Variants in IQCE observed in about 807,000 individuals in gnomAD.
IQCE encodes the protein IQ domain-containing protein E.
In IQCE, 115 loss-of-function variants were observed where a neutral mutation model predicts 96.0. The observed-to-expected ratio is 1.20, with a 90% CI of 1.03 to 1.40. The LOEUF (loss-of-function observed/expected upper bound fraction) is 1.40. IQCE is among the 40% of genes most tolerant of loss of function. The pLI is 0.00. For synonymous variants in IQCE, 412 were observed against 371.2 expected, an observed-to-expected ratio of 1.11 and a Z score of -1.26; for missense variants, 1,041 against 909.1, an observed-to-expected ratio of 1.15 and a Z score of -1.87.
rs779690833 is a variant in IQCE, at chr7:2,590,079, C to T, written c.1217C>T (p.Ala406Val). 1.4e-5 allele frequency: 23 copies of T among 1,613,048 alleles called. No individual in the cohort carries two copies. Among genetic ancestry groups the T allele is most frequent in the South Asian group, 9.9e-5 (9 of 91,070 alleles). Reference sequence around the variant, plus strand: ...AGAGACCTGAAGGAAGAGCGGACCGCGCTGCAGGAGCAGCTGCTGCAGAGA... The same window carrying T: ...AGAGACCTGAAGGAAGAGCGGACCGTGCTGCAGGAGCAGCTGCTGCAGAGA... ...AVRDLKEERTALQEQLLQRDL... is the reference protein window; with the variant it reads ...AVRDLKEERTVLQEQLLQRDL... Residue 406 changes from alanine (A) to valine (V), a missense_variant, in exon 14 of 22, where the codon GCG becomes GTG. Physicochemically the swap from Ala to Val is moderately conservative, Grantham distance 64. Transcript: ENST00000402050.
intron 10 of IQCE, 28 bp from the exon 11 acceptor site, chr7:2,584,208 T>C (rs1363296573): frequency 1.2e-6 from 2 of 1,603,994 alleles, no homozygotes; most frequent in Non-Finnish European, 1.7e-6. Flanking sequence ...GCCTTGTGTT[T>C]TCATGCATTT....
intron 16 of IQCE, 23 bp downstream of exon 16, chr7:2,594,999 T>C (rs945624011): frequency 7.8e-6 from 12 of 1,536,498 alleles, no homozygotes; most frequent in Non-Finnish European, 9.9e-6. Context: ...TTCAGTTGAG[T>C]CTCCCGTCAG....
At chr7:2,584,510 A>G (rs1030784655) in intron 11 of IQCE, 36 of 556,002 alleles carry the variant, frequency 6.5e-5, no homozygotes, top group South Asian at 2.2e-4. Context: ...CGCGTGTTCA[A>G]TGCCGCCCGT....
intron 17 of IQCE, among the ~76,000 whole-genome samples, chr7:2,599,470 A>T (rs892898052): frequency 1.3e-5 from 2 of 152,198 alleles, no homozygotes; most frequent in Non-Finnish European, 2.9e-5. Flanking sequence ...TGCCAGGATT[A>T]CAGGCATGAG....
intron 1 of IQCE, among the ~76,000 whole-genome samples, chr7:2,560,305 T>C (rs1225138995): frequency 6.6e-6 from 1 of 152,200 alleles, no homozygotes; most frequent in Admixed American, 6.5e-5. Flanking sequence ...AAGATGGGCA[T>C]GAGCCTGACT....
intron 11 of IQCE, 95 bp from the exon 12 acceptor site, chr7:2,586,113 A>C: frequency 8.3e-7 from 1 of 1,210,158 alleles, no homozygotes; most frequent in Non-Finnish European, 1.1e-6. Flanking sequence ...GCTCACAACC[A>C]ACAGAGCAAG....
At chr7:2,606,799 C>A (rs1016827081) in intron 20 of IQCE, among the ~76,000 whole-genome samples, 2 of 152,160 alleles carry the variant, frequency 1.3e-5, no homozygotes. Flanking sequence ...GCAAGCATGT[C>A]CCCGGGGAAT....
chr7:2,586,686 G>A (rs545454476), intron 12 of IQCE, among the ~76,000 whole-genome samples: 99 of 152,336 alleles, frequency 6.5e-4, no homozygotes, highest in Non-Finnish European at 1.2e-3. Context: ...CACATTTTGG[G>A]GTGAGGCAGG....
intron 3 of IQCE, among the ~76,000 whole-genome samples, chr7:2,570,779 A>C (rs1781699548): frequency 1.3e-5 from 2 of 152,180 alleles, no homozygotes; most frequent in African/African-American, 4.8e-5. Context: ...CAAAATCAAG[A>C]ATGCCCTGAA....
In IQCE at chr7:2,589,948, G is replaced by C. The variant is rs1162531774; in HGVS notation, c.1086G>C (p.Glu362Asp). The C allele has an allele frequency of 1.2e-6, 2 of 1,613,848 alleles. No homozygotes were observed. Among genetic ancestry groups the C allele is most frequent in the Non-Finnish European group, 1.7e-6 (2 of 1,180,038 alleles). The change falls in exon 14 of 22, where the codon GAG becomes GAC. Residue 362 changes from glutamate (E) to aspartate (D), a missense_variant. Glu to Asp is a conservative substitution (Grantham distance 45). Transcript: ENST00000402050. ...VMESSKSHAAEPVRSHPPACL... is the reference protein window; with the variant it reads ...VMESSKSHAADPVRSHPPACL... Reference sequence around the variant, plus strand: ...AGAGCTCAAAATCACACGCCGCAGAGCCAGTCAGATCACACCCGCCAGCCT... The same window carrying C: ...AGAGCTCAAAATCACACGCCGCAGACCCAGTCAGATCACACCCGCCAGCCT...
At chr7:2,605,181 C>A (rs975548359) in intron 19 of IQCE, among the ~76,000 whole-genome samples, 190 bp downstream of exon 19, 1 of 152,222 alleles carries the variant, frequency 6.6e-6, no homozygotes, top group Non-Finnish European at 1.5e-5. Context: ...TGCACAGGCC[C>A]CGGATGGATG....
intron 3 of IQCE, among the ~76,000 whole-genome samples, chr7:2,570,290 C>T (rs1241938123): frequency 1.3e-5 from 2 of 152,136 alleles, no homozygotes; most frequent in African/African-American, 2.4e-5. Flanking sequence ...CTTCCCTCCC[C>T]GCTTTTATCC....
intron 1 of IQCE, 98 bp from the exon 2 acceptor site, chr7:2,567,018 T>C: frequency 1.0e-6 from 1 of 969,616 alleles, no homozygotes. Context: ...AGTTTCTGTT[T>C]CAGCAGCTGT....
At chr7:2,568,105 G>A (rs770317923) in intron 2 of IQCE, among the ~76,000 whole-genome samples, 2 of 152,114 alleles carry the variant, frequency 1.3e-5, no homozygotes, top group Admixed American at 6.5e-5. Context: ...ACGGCACGAC[G>A]GGTTGTGTGT....
chr7:2,568,826 C>G (rs560132537), intron 2 of IQCE, 128 bp from the exon 3 acceptor site: 4 of 806,930 alleles, frequency 5.0e-6, no homozygotes, highest in Admixed American at 2.2e-5. Context: ...ACCCTCCTTA[C>G]GTCCCCGTAA....
At chr7:2,578,181 G>A (rs567946235) in intron 6 of IQCE, 61 bp from the exon 7 acceptor site, 2 of 1,290,954 alleles carry the variant, frequency 1.5e-6, no homozygotes, top group Non-Finnish European at 2.2e-6. Flanking sequence ...GCGCGGGGAC[G>A]TGTGTGCGGC....
intron 8 of IQCE, among the ~76,000 whole-genome samples, chr7:2,581,802 C>G (rs1370876415): frequency 1.3e-5 from 2 of 151,806 alleles, no homozygotes; most frequent in Non-Finnish European, 2.9e-5. Flanking sequence ...CTCCGCTTCC[C>G]GGGTTCATGC....
Position 2,611,208 on chromosome 7 carries a change from GCA to G in IQCE, c.*1049_*1050del, listed in dbSNP as rs1785093753. ...CTAGGAGGGAGTTCCTGGGGGAAGC[GCA>G]CAGTGTCCAGTGCCCATCTCTTGCT... On this transcript the variant is annotated 3_prime_UTR_variant, in exon 22 of 22. Coordinates refer to ENST00000402050, the MANE Select transcript of IQCE (RefSeq NM_152558.5). 1 of 152,144 alleles carries G rather than the reference GCA, an allele frequency of 6.6e-6. No homozygotes were observed. Among genetic ancestry groups the G allele is most frequent in the Non-Finnish European group, 1.5e-5 (1 of 68,398 alleles). 9.4% of individuals were successfully genotyped at this position (152,144 alleles called of 1,614,324 possible). A position where few individuals can be genotyped will look rare whatever the true frequency, so the allele number is the denominator to read the frequency against.
At chr7:2,561,331 T>G (rs1780938295) in intron 1 of IQCE, among the ~76,000 whole-genome samples, 1 of 152,228 alleles carries the variant, frequency 6.6e-6, no homozygotes, top group Non-Finnish European at 1.5e-5. Flanking sequence ...TTTGTTAAAT[T>G]TATTCCTAAG....
Sources: gnomAD v4.1 joint callset for allele counts (sites outside exome capture counted in the v4.1 genomes callset) on GRCh38, gnomAD v4.1.1 for gene constraint, MANE v1.5 for transcripts, NCBI Gene and HGNC (gene_info 2026-07-23, HGNC 2026-07-21) for gene names.